The following PRRC2B variants were observed in gnomAD, a reference collection of about 807,000 sequenced individuals.
The protein encoded by PRRC2B is protein PRRC2B.
PRRC2B carries 68 observed loss-of-function variants against 242.3 expected under a neutral mutation model. That is an observed-to-expected ratio of 0.28 (90% CI 0.23 to 0.34). The LOEUF is 0.34. PRRC2B is among the 10% of genes least tolerant of loss of function. The pLI, the probability that PRRC2B is intolerant of heterozygous loss-of-function variation, is 1.00. For synonymous variants in PRRC2B, 1,228 were observed against 1,173.6 expected (o/e 1.05, Z -0.95); for missense variants, 2,835 against 2,954.8 (o/e 0.96, Z 0.94).
chr9:131,468,689 C>T (rs1943460636), intron 13 of PRRC2B, among the ~76,000 whole-genome samples: 1 of 152,088 alleles, frequency 6.6e-6, no homozygotes, highest in African/African-American at 2.4e-5. Context: ...CACCAAACAG[C>T]AAGGTGTGCA....
At chr9:131,413,816 C>T (rs1161200522) in intron 1 of PRRC2B, among the ~76,000 whole-genome samples, 1 of 152,126 alleles carries the variant, frequency 6.6e-6, no homozygotes, top group Non-Finnish European at 1.5e-5. Context: ...GGACTATAGG[C>T]GCACACCACC....
At chr9:131,391,124 C>T (rs1836895991), upstream of PRRC2B, among the ~76,000 whole-genome samples, 1 of 152,090 alleles carries the variant, frequency 6.6e-6, no homozygotes, top group Non-Finnish European at 1.5e-5. Context: ...GTGTTGCCTT[C>T]AGCAAGTCTC....
chr9:131,483,269 G>A (rs1191268577), intron 22 of PRRC2B, 90 bp from the exon 23 acceptor site: 11 of 1,257,680 alleles, frequency 8.7e-6, no homozygotes, highest in South Asian at 5.0e-5. Flanking sequence ...TTTTTGAGTC[G>A]GGGAAACTGC....
At chr9:131,420,215 CTG>C (rs961251387) in intron 1 of PRRC2B, among the ~76,000 whole-genome samples, 1 of 152,128 alleles carries the variant, frequency 6.6e-6, no homozygotes, top group Non-Finnish European at 1.5e-5. Flanking sequence ...TTTCCCCACT[CTG>C]TGGTTTCCTC....
chr9:131,449,413 G>A (rs920145343), intron 9 of PRRC2B, among the ~76,000 whole-genome samples: 15 of 151,956 alleles, frequency 9.9e-5, no homozygotes, highest in African/African-American at 3.6e-4. Context: ...AGGTTGGAGT[G>A]CAGTGGTGTG....
At chr9:131,414,433 C>T (rs528238465) in intron 1 of PRRC2B, among the ~76,000 whole-genome samples, 2 of 40,594 alleles carry the variant, frequency 4.9e-5, no homozygotes, top group South Asian at 4.1e-3. Context: ...TTACATTGCT[C>T]CAAGAAAATG....
Position 131,436,708 on chromosome 9 carries a change from T to C in PRRC2B, c.382T>C (p.Ser128Pro). ...CTCCAATTTGCAGAAACCGACACAG[T>C]CAATCAGTCAGGAGGTAGGTGCTGG... The part of the protein sequence containing the change: ...SVSNLQKPTQ[S>P]ISQENTNSVP... The change falls in exon 4 of 32, where the codon TCA (serine) becomes CCA (proline). Residue 128 changes from serine (S) to proline (P), a missense_variant. Around this residue, in one of 7 missense-constraint regions of PRRC2B, gnomAD observed 626 missense variants for 685.5 expected, o/e 0.91. Transcript: ENST00000683519. 6.2e-7 allele frequency: 1 copy of C among 1,613,904 alleles called. No homozygotes were observed. Among genetic ancestry groups the C allele is most frequent in the Non-Finnish European group, 8.5e-7 (1 of 1,179,794 alleles).
chr9:131,435,732 T>G (rs769136950), intron 3 of PRRC2B, among the ~76,000 whole-genome samples: 1 of 152,204 alleles, frequency 6.6e-6, no homozygotes, highest in Admixed American at 6.5e-5. Context: ...TTGTGTTGTG[T>G]GCTCATTAAA....
intron 8 of PRRC2B, 98 bp downstream of exon 8, chr9:131,447,304 G>C (rs1838834664): frequency 1.0e-5 from 15 of 1,454,822 alleles, no homozygotes; most frequent in Non-Finnish European, 1.1e-5. Context: ...GTGTCTCCTG[G>C]AGACCACAGA....
rs1190603668 is a variant in PRRC2B at position 131,464,799 on chromosome 9, A to G, written c.1441A>G (p.Ile481Val). Residue 481 changes from isoleucine (I) to valine (V), a missense_variant, in exon 12 of 32, where the codon ATC (isoleucine) becomes GTC (valine). By Grantham distance (29) the Ile-to-Val change is conservative. Coordinates refer to ENST00000683519, the MANE Select transcript of PRRC2B (RefSeq NM_013318.4). ...SMGSMFRQQSIEDKEDKPPPR... is the reference protein window; with the variant it reads ...SMGSMFRQQSVEDKEDKPPPR... ...GGGCAGCATGTTCCGGCAACAGTCCATCGAGGACAAGGAGGACAAGCCCCC... is the reference window on the plus strand; with the variant it reads ...GGGCAGCATGTTCCGGCAACAGTCCGTCGAGGACAAGGAGGACAAGCCCCC... The G allele has an allele frequency of 3.7e-6, 6 of 1,609,594 alleles. No individual in the cohort carries two copies. The highest frequency in any genetic ancestry group is 5.1e-6 in the Non-Finnish European group (6 of 1,176,774).
chr9:131,399,487 G>T (rs2131281140), intron 1 of PRRC2B, among the ~76,000 whole-genome samples: 1 of 152,032 alleles, frequency 6.6e-6, no homozygotes, highest in African/African-American at 2.4e-5. Context: ...GCTGAGGCAG[G>T]AGAATGGCAT....
At chr9:131,432,281 C>A (rs973855412) in intron 2 of PRRC2B, among the ~76,000 whole-genome samples, 1 of 152,158 alleles carries the variant, frequency 6.6e-6, no homozygotes, top group Non-Finnish European at 1.5e-5. Context: ...TCTCAACTTG[C>A]AGAGAGGTGG....
In PRRC2B at chr9:131,487,305, G is replaced by T. The variant is rs780671435; in HGVS notation, c.5984+11G>T. 5.0e-6 allele frequency: 8 copies of T among 1,589,288 alleles called. No individual in the cohort carries two copies. Among genetic ancestry groups the T allele is most frequent in the East Asian group, 2.3e-5 (1 of 44,040 alleles). Reference sequence around the variant, plus strand: ...CTTGCAGCCCTTCAGGTGAGCTCATGTACCAGCTTGCGGAGCTGGCAGCTC... The same window carrying T: ...CTTGCAGCCCTTCAGGTGAGCTCATTTACCAGCTTGCGGAGCTGGCAGCTC... On this transcript the variant is annotated intron_variant, in intron 27 of 31. Transcript: ENST00000683519. This position sits in a 1 kb window ranked among gnomAD's most constrained non-coding sequence, Gnocchi z 5.3.
At chr9:131,422,371 A>G (rs1588243059) in intron 1 of PRRC2B, among the ~76,000 whole-genome samples, 1 of 152,192 alleles carries the variant, frequency 6.6e-6, no homozygotes, top group African/African-American at 2.4e-5. Context: ...TTACTTTTCT[A>G]TCCTGATTGA....
In PRRC2B at chr9:131,422,522, C is replaced by T. The variant is rs570289382; in HGVS notation, c.-51-7572C>T. Among the ~76,000 whole-genome samples the T allele has an allele frequency of 1.4e-4, 22 of 152,320 alleles. No individual in the cohort carries two copies. In the South Asian group the frequency reaches 3.9e-3, roughly 27 times the overall value. ...GGTGGCCACTGATCTCCCCTGAATG[C>T]GGAGCCGTAGTGGTTCCTGGTGAAT... On this transcript the variant is annotated intron_variant, in intron 1 of 31. Coordinates refer to ENST00000683519, the MANE Select transcript of PRRC2B (RefSeq NM_013318.4).
intron 6 of PRRC2B, among the ~76,000 whole-genome samples, chr9:131,444,737 C>T (rs1203857551): frequency 6.6e-6 from 1 of 152,176 alleles, no homozygotes; most frequent in Non-Finnish European, 1.5e-5. Context: ...GTCCTCCCCT[C>T]CCCCAGCCCA....
rs748429003 is a variant in PRRC2B at position 131,470,771 on chromosome 9, T to C, written c.1912-17T>C. On this transcript the variant is annotated splice_polypyrimidine_tract_variant and intron_variant, in intron 13 of 31. Coordinates refer to ENST00000683519, the MANE Select transcript of PRRC2B (RefSeq NM_013318.4). ...GGCCGCACCAGCCTGACCAAGTCTC[T>C]CTCTCTCTGTGGGCAGGAGCAGCTG... The C allele has an allele frequency of 1.9e-6, 3 of 1,608,010 alleles. No individual in the cohort carries two copies. The highest frequency in any genetic ancestry group is 2.5e-6 in the Non-Finnish European group (3 of 1,176,604).
At chr9:131,420,497 T>TC (rs72209206) in intron 1 of PRRC2B, among the ~76,000 whole-genome samples, 212 of 16,464 alleles carry the variant, frequency 0.013, 27 homozygotes, top group African/African-American at 0.028. Context: ...TTCTTTCTTT[T>TC]TTTTTTTTTT....
rs114244064 is a variant in PRRC2B, at chr9:131,467,735, G to T, written c.1893G>T (p.Gln631His). The T allele has an allele frequency of 4.1e-4, 669 of 1,613,846 alleles. 2 individuals carry two copies. In the African/African-American group the frequency reaches 7.0e-3, roughly 17 times the overall value. ...CCCTTCCTCCCCGATTCCAGCGCCA[G>T]CAGCAGCAACAACAGCAGGTAAACA... is the stretch of plus-strand genomic sequence containing the variant. ...QKSLPPRFQRQQQQQQQEQLY... is the reference protein window; with the variant it reads ...QKSLPPRFQRHQQQQQQEQLY... Residue 631 changes from glutamine to histidine, a missense_variant, in exon 13 of 32, where the codon CAG becomes CAT. Physicochemically the swap from Gln to His is conservative, Grantham distance 24. Around this residue, in one of 7 missense-constraint regions of PRRC2B, gnomAD observed 1,536 missense variants for 1,483.1 expected, o/e 1.04. Coordinates refer to ENST00000683519, the MANE Select transcript of PRRC2B (RefSeq NM_013318.4).
Sources: gnomAD v4.1 joint callset for allele counts (sites outside exome capture counted in the v4.1 genomes callset) on GRCh38, gnomAD v4.1.1 for gene constraint, gnomAD v4.1.1 regional missense constraint, Gnocchi (gnomAD v3.1) non-coding constraint, MANE v1.5 for transcripts, NCBI Gene and HGNC (gene_info 2026-07-23, HGNC 2026-07-21) for gene names.